The following RAB3C variants were observed in gnomAD, a reference collection of about 807,000 sequenced individuals.
RAB3C encodes the protein RAB3C, member RAS oncogene family, also known as ras-related protein Rab-3C.
A neutral mutation model predicts 26.4 loss-of-function variants in RAB3C; 17 were observed. That is an observed-to-expected ratio of 0.64 (90% CI 0.44 to 0.97). The LOEUF (loss-of-function observed/expected upper bound fraction) is 0.97. Ranked by LOEUF, RAB3C falls within the 50% of genes least tolerant of loss-of-function variation. The pLI, the probability that RAB3C is intolerant of heterozygous loss-of-function variation, is 0.00. For missense variants in RAB3C, 242 were observed against 281.9 expected (o/e 0.86, Z 1.01); for synonymous variants, 91 against 95.9 (o/e 0.95, Z 0.30).
chr5:58,748,073 C>A (rs755348163), intron 3 of RAB3C, among the ~76,000 whole-genome samples: 3 of 151,976 alleles, frequency 2.0e-5, no homozygotes, highest in South Asian at 2.1e-4. Context: ...GGTGGAGAAC[C>A]TTTCTGCTAT....
intron 2 of RAB3C, among the ~76,000 whole-genome samples, chr5:58,626,642 A>G (rs1747058705): frequency 6.6e-6 from 1 of 152,194 alleles, no homozygotes; most frequent in Non-Finnish European, 1.5e-5. Flanking sequence ...GGACAATAAT[A>G]ATATTTTGCT....
intron 2 of RAB3C, among the ~76,000 whole-genome samples, chr5:58,653,363 G>A (rs906833631): frequency 3.3e-5 from 5 of 152,218 alleles, no homozygotes; most frequent in African/African-American, 1.2e-4. Flanking sequence ...GTGTAAATTA[G>A]ATCAACCATT....
intron 4 of RAB3C, among the ~76,000 whole-genome samples, chr5:58,848,049 G>T (rs1440278064): frequency 6.6e-6 from 1 of 152,102 alleles, no homozygotes; most frequent in Non-Finnish European, 1.5e-5. Flanking sequence ...TAGAGGCAGG[G>T]TTTCGCCATG....
intron 4 of RAB3C, among the ~76,000 whole-genome samples, chr5:58,850,844 T>C (rs948425939): frequency 2.0e-5 from 3 of 152,224 alleles, no homozygotes; most frequent in African/African-American, 7.2e-5. Context: ...ATTCTTACTG[T>C]TGTCATTACT....
chr5:58,693,377 C>T (rs1186838949), intron 2 of RAB3C, among the ~76,000 whole-genome samples: 2 of 124,428 alleles, frequency 1.6e-5, no homozygotes, highest in Non-Finnish European at 3.1e-5. Context: ...TTCTTAAAAC[C>T]TTGCAATTCA....
At chr5:58,710,548 G>A (rs1022501533) in intron 2 of RAB3C, among the ~76,000 whole-genome samples, 8 of 151,638 alleles carry the variant, frequency 5.3e-5, no homozygotes, top group Admixed American at 3.3e-4. Context: ...GCAGTGAGCC[G>A]AGATCACGCC....
intron 2 of RAB3C, among the ~76,000 whole-genome samples, chr5:58,699,359 C>T (rs999446237): frequency 1.6e-4 from 24 of 152,180 alleles, no homozygotes; most frequent in African/African-American, 5.6e-4. Flanking sequence ...GGAGCAGCCA[C>T]CTATATGAGG....
rs568503789 is a variant in RAB3C, at chr5:58,792,575, G to A, written c.372-32463G>A. Among the ~76,000 whole-genome samples, 3 of 152,174 alleles carry A rather than the reference G, an allele frequency of 2.0e-5. No homozygotes were observed. The East Asian group carries it at 5.8e-4, about 29-fold the overall frequency. On this transcript the variant is annotated intron_variant, in intron 3 of 4. Transcript: ENST00000282878. Reference sequence around the variant, plus strand: ...AGGCGGAAGCTGTGAACCACACATGGAAACATTGATTTTGGTGAGGGAGGG... The same window carrying A: ...AGGCGGAAGCTGTGAACCACACATGAAAACATTGATTTTGGTGAGGGAGGG...
chr5:58,593,724 T>C (rs1003843931), intron 1 of RAB3C, among the ~76,000 whole-genome samples: 2 of 152,212 alleles, frequency 1.3e-5, no homozygotes, highest in African/African-American at 4.8e-5. Flanking sequence ...ATGTTTCAGA[T>C]TGGTTTGAAG....
At chr5:58,665,038 C>T (rs1429500291) in intron 2 of RAB3C, among the ~76,000 whole-genome samples, 2 of 152,126 alleles carry the variant, frequency 1.3e-5, no homozygotes, top group Admixed American at 6.6e-5. Context: ...GTTGCTCTAA[C>T]GTCACCTCCT....
intron 3 of RAB3C, among the ~76,000 whole-genome samples, chr5:58,764,736 C>T (rs1741862732): frequency 6.6e-6 from 1 of 152,144 alleles, no homozygotes; most frequent in African/African-American, 2.4e-5. Context: ...CCGATAATAA[C>T]TTGGCACATT....
chr5:58,799,328 C>T (rs922446080), intron 3 of RAB3C, among the ~76,000 whole-genome samples: 1 of 151,864 alleles, frequency 6.6e-6, no homozygotes, highest in Non-Finnish European at 1.5e-5. Flanking sequence ...TGTATGGCAA[C>T]TTCTACTTGT....
At chr5:58,760,226 G>T (rs554234202) in intron 3 of RAB3C, among the ~76,000 whole-genome samples, 1 of 151,986 alleles carries the variant, frequency 6.6e-6, no homozygotes, top group Non-Finnish European at 1.5e-5. Context: ...GTGTTTGTTT[G>T]TATGAAAAAT....
chr5:58,622,680 T>C (rs1746962703), intron 2 of RAB3C, among the ~76,000 whole-genome samples: 1 of 152,220 alleles, frequency 6.6e-6, no homozygotes, highest in Non-Finnish European at 1.5e-5. Context: ...TCAAGCCCAG[T>C]GCTGACCCAT....
intron 4 of RAB3C, among the ~76,000 whole-genome samples, chr5:58,833,456 C>T (rs1239896199): frequency 2.0e-5 from 3 of 152,056 alleles, no homozygotes; most frequent in Non-Finnish European, 4.4e-5. Context: ...GTTGAGAACC[C>T]TTGATTTAGG....
At chr5:58,845,926 A>T (rs1400318706) in intron 4 of RAB3C, among the ~76,000 whole-genome samples, 1 of 151,752 alleles carries the variant, frequency 6.6e-6, no homozygotes, top group Non-Finnish European at 1.5e-5. Context: ...AGATTTACCT[A>T]TTCTGGGCAT....
intron 3 of RAB3C, among the ~76,000 whole-genome samples, chr5:58,765,834 G>A (rs1362011784): frequency 1.3e-5 from 2 of 152,118 alleles, no homozygotes; most frequent in Non-Finnish European, 2.9e-5. Flanking sequence ...TACAGGAGGG[G>A]CCTGGTGGGA....
intron 3 of RAB3C, among the ~76,000 whole-genome samples, chr5:58,822,250 C>G (rs78753389): frequency 0.017 from 2,552 of 152,268 alleles, 73 homozygotes; most frequent in African/African-American, 0.057. Context: ...GGCTTGAGAG[C>G]CATACTGCCA....
At chr5:58,636,432 C>A (rs867547217) in intron 2 of RAB3C, among the ~76,000 whole-genome samples, 1 of 152,158 alleles carries the variant, frequency 6.6e-6, no homozygotes, top group African/African-American at 2.4e-5. Context: ...TGACTCATGT[C>A]CTACTGTGGA....
Sources: allele counts gnomAD v4.1 joint callset (sites outside exome capture counted in the v4.1 genomes callset), GRCh38; gene constraint gnomAD v4.1.1; transcripts MANE v1.5; gene names NCBI Gene and HGNC (gene_info 2026-07-23, HGNC 2026-07-21).